AKAP6: variants seen among roughly 807,000 people sequenced by gnomAD.
AKAP6 encodes the protein A-kinase anchoring protein 6.
Under a neutral mutation model 188.5 loss-of-function variants are expected in AKAP6, and 58 were observed. The ratio of observed to expected loss-of-function variants is 0.31; its 90% CI spans 0.25 to 0.38. The LOEUF (loss-of-function observed/expected upper bound fraction) is 0.38. AKAP6 is among the 10% of genes least tolerant of loss of function. The pLI, the probability that AKAP6 is intolerant of heterozygous loss-of-function variation, is 1.00. For synonymous variants in AKAP6, 989 were observed against 998.6 expected, an observed-to-expected ratio of 0.99 and a Z score of 0.18; for missense variants, 2,710 against 2,740.0, an observed-to-expected ratio of 0.99 and a Z score of 0.24.
chr14:32,777,600 T>C (rs1305833678), intron 12 of AKAP6, among the ~76,000 whole-genome samples: 2 of 152,114 alleles, frequency 1.3e-5, no homozygotes, highest in East Asian at 1.9e-4. Context: ...AAATAATTTG[T>C]AAACCTGAAA....
chr14:32,483,604 C>T (rs1343804051), intron 2 of AKAP6, among the ~76,000 whole-genome samples: 1 of 152,128 alleles, frequency 6.6e-6, no homozygotes, highest in Non-Finnish European at 1.5e-5. Context: ...CCTGCCTCAG[C>T]CTCCTGAGTA....
intron 11 of AKAP6, among the ~76,000 whole-genome samples, chr14:32,761,384 C>G (rs8013976): frequency 0.17 from 26,039 of 152,074 alleles, 3,887 homozygotes; most frequent in African/African-American, 0.41. Flanking sequence ...GTTTATACTT[C>G]AAGTAACAGT....
chr14:32,735,590 T>C, intron 10 of AKAP6, 68 bp from the exon 11 acceptor site: 1 of 1,274,128 alleles, frequency 7.8e-7, no homozygotes, highest in Non-Finnish European at 1.1e-6. Flanking sequence ...GTTTTTGTTT[T>C]TTTGTTGTTC....
intron 7 of AKAP6, among the ~76,000 whole-genome samples, chr14:32,637,357 A>G (rs1324570378): frequency 6.6e-6 from 1 of 152,112 alleles, no homozygotes; most frequent in Non-Finnish European, 1.5e-5. Context: ...TCTGAAGGCC[A>G]GAAGCCAGAT....
chr14:32,665,909 A>G (rs535584330), intron 7 of AKAP6, among the ~76,000 whole-genome samples: 41 of 152,236 alleles, frequency 2.7e-4, no homozygotes, highest in South Asian at 1.7e-3. Context: ...AAGAATGGGG[A>G]TAGGTGGAGA....
In AKAP6 at chr14:32,587,068, C is replaced by T. The variant is rs544599988; in HGVS notation, c.2469+9826C>T. Among the ~76,000 whole-genome samples the T allele has an allele frequency of 7.2e-5, 11 of 152,274 alleles. No individual in the cohort carries two copies. The East Asian group carries it at 2.1e-3, about 29-fold the overall frequency. On this transcript the variant is annotated intron_variant, in intron 5 of 13. Transcript: ENST00000280979. ...TGTTATTACATTTGTTGAACTTTGT[C>T]CCTCTGATAGTTACAGATGGCATCT... is the stretch of plus-strand genomic sequence containing the variant.
chr14:32,371,926 T>G (rs188229090), intron 1 of AKAP6, among the ~76,000 whole-genome samples: 1 of 152,256 alleles, frequency 6.6e-6, no homozygotes, highest in Admixed American at 6.5e-5. Flanking sequence ...TCACTCCTAT[T>G]TCTCTTTCTC....
intron 7 of AKAP6, among the ~76,000 whole-genome samples, chr14:32,611,668 C>A (rs749374912): frequency 2.6e-5 from 4 of 152,100 alleles, no homozygotes; most frequent in Admixed American, 6.6e-5. Context: ...AATCTACAAC[C>A]TGAGGAGTGA....
intron 1 of AKAP6, among the ~76,000 whole-genome samples, chr14:32,373,778 A>G (rs1215571194): frequency 6.6e-6 from 1 of 152,198 alleles, no homozygotes; most frequent in Non-Finnish European, 1.5e-5. Context: ...GTCTGTCATA[A>G]TTTTGCAAAG....
intron 8 of AKAP6, among the ~76,000 whole-genome samples, chr14:32,691,982 G>T (rs1369760091): frequency 6.6e-6 from 1 of 152,194 alleles, no homozygotes; most frequent in Admixed American, 6.5e-5. Flanking sequence ...TAAGAAAAAA[G>T]TTTTTGTCTT....
Position 32,674,602 on chromosome 14 carries a change from C to T in AKAP6, c.2731-3709C>T, listed in dbSNP as rs149840255. 6.0e-3 allele frequency among the ~76,000 whole-genome samples: 916 copies of T among 152,154 alleles called. 3 individuals carry two copies. The highest frequency in any genetic ancestry group is 8.4e-3 in the Non-Finnish European group (568 of 68,002). On this transcript the variant is annotated intron_variant, in intron 7 of 13. Transcript: ENST00000280979. ...AATAGACAGTACCATTTGTTTAAAA[C>T]GAAAGGTTTTATTTTATTTAAAGGC...
At chr14:32,810,888 A>G (rs1034590052) in intron 12 of AKAP6, among the ~76,000 whole-genome samples, 4 of 152,178 alleles carry the variant, frequency 2.6e-5, no homozygotes, top group Non-Finnish European at 5.9e-5. Flanking sequence ...CCCTGGGCCA[A>G]TCAAATGATA....
intron 7 of AKAP6, among the ~76,000 whole-genome samples, chr14:32,666,399 A>T (rs1019633776): frequency 6.6e-6 from 1 of 151,986 alleles, no homozygotes; most frequent in South Asian, 2.1e-4. Flanking sequence ...TTTTCAAGTA[A>T]ATTTATATTA....
intron 2 of AKAP6, among the ~76,000 whole-genome samples, chr14:32,507,556 T>G (rs1880942331): frequency 6.6e-6 from 1 of 151,880 alleles, no homozygotes. Context: ...TTTTTTTTCT[T>G]CCATTTCCAT....
At chr14:32,369,345 A>T (rs1175556241) in intron 1 of AKAP6, among the ~76,000 whole-genome samples, 2 of 152,256 alleles carry the variant, frequency 1.3e-5, no homozygotes, top group Non-Finnish European at 2.9e-5. Context: ...TAACTGTTAG[A>T]CAAAGTCATT....
intron 1 of AKAP6, among the ~76,000 whole-genome samples, chr14:32,344,902 T>G: frequency 1.6e-5 from 2 of 122,070 alleles, no homozygotes; most frequent in Non-Finnish European, 3.2e-5. Flanking sequence ...GGCAACAGAG[T>G]GAGACTCTGT....
chr14:32,707,139 T>C (rs539794736), intron 9 of AKAP6, among the ~76,000 whole-genome samples: 1 of 152,226 alleles, frequency 6.6e-6, no homozygotes, highest in Admixed American at 6.5e-5. Flanking sequence ...CACATACATT[T>C]ATGTGTGTAT....
chr14:32,468,242 A>G (rs141566718), intron 2 of AKAP6, among the ~76,000 whole-genome samples: 4,308 of 152,298 alleles, frequency 0.028, 220 homozygotes, highest in Admixed American at 0.14. Flanking sequence ...TTTACTGATG[A>G]CATTAATGAA....
In AKAP6 at chr14:32,374,348, C is replaced by A. The variant is rs148691003; in HGVS notation, c.-35+44940C>A. Reference sequence around the variant, plus strand: ...CAGTTAACTTTGTCCGGGGAGTCATCCCAGAGGAGATGCTGCTGCTGTTAA... The same window carrying A: ...CAGTTAACTTTGTCCGGGGAGTCATACCAGAGGAGATGCTGCTGCTGTTAA... On this transcript the variant is annotated intron_variant, in intron 1 of 13. Transcript: ENST00000280979. 9.6e-4 allele frequency among the ~76,000 whole-genome samples: 146 copies of A among 152,278 alleles called. 4 individuals carry two copies. In the East Asian group the frequency reaches 0.023, roughly 24 times the overall value.
Sources: gnomAD v4.1 joint callset for allele counts (sites outside exome capture counted in the v4.1 genomes callset) on GRCh38, gnomAD v4.1.1 for gene constraint, MANE v1.5 for transcripts, NCBI Gene and HGNC (gene_info 2026-07-23, HGNC 2026-07-21) for gene names.